Variants in LARGE1 observed in about 807,000 individuals in gnomAD.
LARGE1 encodes xylosyl- and glucuronyltransferase LARGE1.
LARGE1 carries 43 observed loss-of-function variants against 87.6 expected under a neutral mutation model. The ratio of observed to expected loss-of-function variants is 0.49; its 90% CI spans 0.38 to 0.63. The LOEUF is 0.63. LARGE1 is among the 30% of genes least tolerant of loss of function. The pLI is 0.00. For synonymous variants in LARGE1, 434 were observed against 394.6 expected, an observed-to-expected ratio of 1.10 and a Z score of -1.18; for missense variants, 802 against 1,000.2, an observed-to-expected ratio of 0.80 and a Z score of 2.67.
intron 1 of LARGE1, among the ~76,000 whole-genome samples, chr22:33,847,315 A>G (rs1413162992): frequency 6.6e-6 from 1 of 152,186 alleles, no homozygotes; most frequent in Non-Finnish European, 1.5e-5. Context: ...TATTAGACTG[A>G]TTATTTTACA....
intron 2 of LARGE1, among the ~76,000 whole-genome samples, chr22:33,670,145 T>TAGCAGTTATTCACTCATTCATTC (rs2081368227): frequency 6.6e-6 from 1 of 152,184 alleles, no homozygotes; most frequent in Non-Finnish European, 1.5e-5. Context: ...TAAGATCCAA[T>TAGCAGTTATTCACTCATTCATTC]AGCAGTTATT....
At chr22:33,515,877 T>G (rs529747812) in intron 6 of LARGE1, among the ~76,000 whole-genome samples, 21 of 152,222 alleles carry the variant, frequency 1.4e-4, no homozygotes, top group South Asian at 1.0e-3. Context: ...ACCCTTTGGC[T>G]TGCCTTCCCC....
intron 2 of LARGE1, chr22:33,746,604 G>A (rs1395385486): frequency 5.3e-5 from 8 of 152,340 alleles, no homozygotes; most frequent in Non-Finnish European, 8.8e-5. Context: ...TGTTATTAGA[G>A]TCCACAGGAA....
intron 6 of LARGE1, among the ~76,000 whole-genome samples, chr22:33,559,450 G>C (rs767607937): frequency 5.3e-5 from 8 of 152,190 alleles, no homozygotes; most frequent in Non-Finnish European, 8.8e-5. Flanking sequence ...CCAAAGTGCT[G>C]GGATTACAAA....
chr22:33,379,270 T>TTTC (rs1569109796), intron 9 of LARGE1, among the ~76,000 whole-genome samples: 11 of 146,860 alleles, frequency 7.5e-5, no homozygotes, highest in African/African-American at 2.4e-4. Context: ...TTCTTTTTTT[T>TTTC]TTTTTTATTA....
At chr22:33,523,438 CCA>C (rs1200787186) in intron 6 of LARGE1, among the ~76,000 whole-genome samples, 1 of 152,106 alleles carries the variant, frequency 6.6e-6, no homozygotes, top group Non-Finnish European at 1.5e-5. Flanking sequence ...TACTCTGTAC[CCA>C]TGGTTACTTG....
rs192030241 is a variant in LARGE1, at chr22:33,776,184, C to T, written c.-82-14626G>A. Among the ~76,000 whole-genome samples the T allele has an allele frequency of 2.6e-5, 4 of 152,298 alleles. No individual in the cohort carries two copies. In the East Asian group the frequency reaches 7.7e-4, roughly 29 times the overall value. On this transcript the variant is annotated intron_variant, in intron 1 of 14. Transcript: ENST00000397394. ...GGAAGTGAAGTGCACTGATCTGCAT[C>T]CCAATGAGTTTTCTTAATTTCCACC...
chr22:33,428,934 A>AC (rs1273681905), intron 7 of LARGE1, among the ~76,000 whole-genome samples: 2 of 93,880 alleles, frequency 2.1e-5, no homozygotes, highest in African/African-American at 1.1e-4. Context: ...TGTCTCAAAA[A>AC]AAAAGAAACA....
chr22:33,292,473 A>G lies in LARGE1; in HGVS notation c.1731-9125T>C, dbSNP rs1932752999. Among the ~76,000 whole-genome samples, 4 of 152,164 alleles carry G rather than the reference A, an allele frequency of 2.6e-5. No individual in the cohort carries two copies. In the South Asian group the frequency reaches 8.3e-4, roughly 31 times the overall value. On this transcript the variant is annotated intron_variant, in intron 12 of 14. Coordinates refer to ENST00000397394, the MANE Select transcript of LARGE1 (RefSeq NM_133642.5). Reference sequence around the variant, plus strand: ...GGCAACCTCAAGCAGCTGCAGGGCCAGGCCAGTGATGTGGATAATGGTGCA... The same window carrying G: ...GGCAACCTCAAGCAGCTGCAGGGCCGGGCCAGTGATGTGGATAATGGTGCA...
chr22:33,066,863 G>A, the LARGE1 span, among the ~76,000 whole-genome samples: 2 of 152,116 alleles, frequency 1.3e-5, 1 homozygote, highest in South Asian at 4.2e-4. Context: ...ACTTGCCATC[G>A]GCAAGAACAG....
intron 5 of LARGE1, among the ~76,000 whole-genome samples, chr22:33,570,646 C>CAA (rs10590542): frequency 2.5e-5 from 2 of 80,898 alleles, no homozygotes; most frequent in East Asian, 3.2e-4. Flanking sequence ...GACTCCATTT[C>CAA]AAAAAAAAAA....
chr22:33,631,469 C>T (rs1331740096), intron 3 of LARGE1, among the ~76,000 whole-genome samples: 1 of 152,082 alleles, frequency 6.6e-6, no homozygotes, highest in Non-Finnish European at 1.5e-5. Context: ...ACTTTTAAAA[C>T]TTTTTTGTTA....
At chr22:33,475,133 G>A (rs1215463734) in intron 6 of LARGE1, among the ~76,000 whole-genome samples, 1 of 152,060 alleles carries the variant, frequency 6.6e-6, no homozygotes, top group African/African-American at 2.4e-5. Context: ...TTTAATATGA[G>A]GGGTTTAGAA....
chr22:33,153,532 T>G, the LARGE1 span, among the ~76,000 whole-genome samples: 1 of 152,228 alleles, frequency 6.6e-6, no homozygotes, highest in Non-Finnish European at 1.5e-5. Context: ...TTAAGGTTTG[T>G]TGTGGGTGAG....
intron 6 of LARGE1, among the ~76,000 whole-genome samples, chr22:33,466,271 C>T (rs1413868068): frequency 6.6e-6 from 1 of 152,122 alleles, no homozygotes; most frequent in Non-Finnish European, 1.5e-5. Context: ...ATGTCCCTCT[C>T]TCCGAAGTAG....
chr22:33,452,808 C>T (rs1420728494), intron 6 of LARGE1, among the ~76,000 whole-genome samples: 1 of 152,182 alleles, frequency 6.6e-6, no homozygotes, highest in South Asian at 2.1e-4. Flanking sequence ...GCATTTCCAT[C>T]CTTTTCCTTA....
intron 6 of LARGE1, among the ~76,000 whole-genome samples, chr22:33,547,063 T>G (rs5845092): frequency 0.026 from 3,873 of 151,222 alleles, 86 homozygotes; most frequent in African/African-American, 0.067. Context: ...CATTTTTTTT[T>G]CTCTTCTAAG....
At position 33,792,412 on chromosome 22, in the gene LARGE1, C is replaced by A. The variant is rs117992044; in HGVS notation, c.-82-30854G>T. ...GTGCTTGCTTCCCCTTCCACCATGA[C>A]TGTAAGTTTCCTGAGGCCTCCCCAG... On this transcript the variant is annotated intron_variant, in intron 1 of 14. Coordinates refer to ENST00000397394, the MANE Select transcript of LARGE1 (RefSeq NM_133642.5). Among the ~76,000 whole-genome samples the A allele has an allele frequency of 1.8e-3, 280 of 152,288 alleles. 1 individual carries two copies. Among genetic ancestry groups the A allele is most frequent in the African/African-American group, 6.3e-3 (263 of 41,550 alleles).
At chr22:33,356,912 T>C (rs998851080) in intron 9 of LARGE1, among the ~76,000 whole-genome samples, 11 of 152,178 alleles carry the variant, frequency 7.2e-5, no homozygotes, top group African/African-American at 2.4e-4. Context: ...GCTTATACAC[T>C]GTTGGTGGGA....
Sources: allele counts gnomAD v4.1 joint callset (sites outside exome capture counted in the v4.1 genomes callset), GRCh38; gene constraint gnomAD v4.1.1; transcripts MANE v1.5; gene names NCBI Gene and HGNC (gene_info 2026-07-23, HGNC 2026-07-21).